Variants in OSBPL10 observed in about 807,000 individuals in gnomAD.
OSBPL10 encodes the protein oxysterol-binding protein-related protein 10.
OSBPL10 carries 49 observed loss-of-function variants against 81.7 expected under a neutral mutation model. That is an observed-to-expected ratio of 0.60 (90% CI 0.48 to 0.76). OSBPL10 has a LOEUF of 0.76. Among genes scored for constraint, OSBPL10 ranks in the 30% least tolerant of loss-of-function variants. The probability of loss-of-function intolerance (pLI) is 0.00; values close to 1 mark genes in which losing one functional copy is unlikely to be tolerated. For missense variants in OSBPL10, 923 were observed against 987.8 expected, an observed-to-expected ratio of 0.93 and a Z score of 0.88; for synonymous variants, 419 against 383.6, an observed-to-expected ratio of 1.09 and a Z score of -1.08.
At chr3:31,975,000 T>C (rs1301900255) in intron 1 of OSBPL10, among the ~76,000 whole-genome samples, 1 of 152,126 alleles carries the variant, frequency 6.6e-6, no homozygotes, top group Non-Finnish European at 1.5e-5. Context: ...GAGAAGATAA[T>C]GGAAATCACC....
chr3:31,669,196 G>A (rs984482699), intron 9 of OSBPL10, among the ~76,000 whole-genome samples: 4 of 151,942 alleles, frequency 2.6e-5, no homozygotes, highest in Admixed American at 1.3e-4. Context: ...CCTATAGCTC[G>A]GGTGATGGGT....
Position 31,883,536 on chromosome 3 carries a change from T to TG in OSBPL10, c.282-3707_282-3706insC, listed in dbSNP as rs1157321819. Among the ~76,000 whole-genome samples, 1,063 of 115,752 alleles carry TG rather than the reference T, an allele frequency of 9.2e-3. 4 individuals are homozygous for TG. Among genetic ancestry groups the TG allele is most frequent in the Non-Finnish European group, 0.014 (814 of 57,286 alleles). The allele number at this position is 115,752 out of a possible 152,430, so 75.9% of individuals were successfully genotyped here. On this transcript the variant is annotated intron_variant, in intron 1 of 11. Transcript: ENST00000396556. ...ATTACAGGCATGAGCCTGTTTTTTT[T>TG]TTGTTGTTTTTTTTTTTTGAGATGA...
chr3:31,958,504 G>A (rs972296416), intron 1 of OSBPL10, among the ~76,000 whole-genome samples: 2 of 152,156 alleles, frequency 1.3e-5, no homozygotes, highest in African/African-American at 4.8e-5. Flanking sequence ...AGGAGGACAA[G>A]ACTCAAAAGA....
At chr3:31,899,015 G>A (rs914014456) in intron 1 of OSBPL10, among the ~76,000 whole-genome samples, 2 of 114,898 alleles carry the variant, frequency 1.7e-5, no homozygotes, top group African/African-American at 6.9e-5. Flanking sequence ...AGGCTGCAGT[G>A]CAGTGGCATG....
chr3:31,793,862 GAAGA>G (rs960736791), intron 4 of OSBPL10, among the ~76,000 whole-genome samples: 5 of 152,276 alleles, frequency 3.3e-5, no homozygotes, highest in African/African-American at 1.2e-4. Flanking sequence ...AAAAATATTT[GAAGA>G]AAAACAGTAA....
At chr3:32,003,848 A>T (rs1255162851) in intron 2 of OSBPL10, among the ~76,000 whole-genome samples, 1 of 152,156 alleles carries the variant, frequency 6.6e-6, no homozygotes, top group Non-Finnish European at 1.5e-5. Flanking sequence ...TGGAAAAGGG[A>T]GAACAGTGGA....
intron 1 of OSBPL10, among the ~76,000 whole-genome samples, chr3:31,903,817 G>A (rs535548863): frequency 6.6e-6 from 1 of 152,274 alleles, no homozygotes; most frequent in South Asian, 2.1e-4. Context: ...TCAGAGCAAA[G>A]GGTCTCAACT....
intron 7 of OSBPL10, among the ~76,000 whole-genome samples, chr3:31,699,869 A>AT (rs534246716): frequency 7.5e-4 from 114 of 152,250 alleles, no homozygotes; most frequent in African/African-American, 2.6e-3. Context: ...GGTGAAGAAG[A>AT]TTTTCTCTCC....
intron 1 of OSBPL10, among the ~76,000 whole-genome samples, chr3:31,903,434 A>T (rs4955215): frequency 0.58 from 87,038 of 150,980 alleles, 25,148 homozygotes; most frequent in South Asian, 0.63. Context: ...GCCCAAGCAA[A>T]CCTTCCACCT....
At chr3:31,965,115 C>T (rs1028151364) in intron 1 of OSBPL10, among the ~76,000 whole-genome samples, 8 of 151,646 alleles carry the variant, frequency 5.3e-5, no homozygotes, top group Non-Finnish European at 7.4e-5. Context: ...GCCAGGCGGC[C>T]GGGGCGCACT....
intron 7 of OSBPL10, among the ~76,000 whole-genome samples, chr3:31,700,896 T>G (rs565951171): frequency 6.6e-6 from 1 of 152,140 alleles, no homozygotes; most frequent in Non-Finnish European, 1.5e-5. Flanking sequence ...CAAGTCGTCA[T>G]AGCTTGGTGT....
chr3:31,999,130 C>T (rs1017605521), intron 2 of OSBPL10, among the ~76,000 whole-genome samples: 12 of 152,120 alleles, frequency 7.9e-5, no homozygotes, highest in Non-Finnish European at 1.3e-4. Flanking sequence ...CAGCTGTCTC[C>T]CCTCTGCTGT....
At chr3:31,880,349 C>T (rs1406795979) in intron 1 of OSBPL10, among the ~76,000 whole-genome samples, 1 of 152,228 alleles carries the variant, frequency 6.6e-6, no homozygotes. Context: ...GCTTCTGCAA[C>T]CATCTGGACA....
rs1010320798 is a variant in OSBPL10 at position 31,662,183 on chromosome 3, T to G, written c.2251-67A>C. ...CAACAGGGAAAAGGGGAAGCAAGGATAACCGCAGCCACTCTGTGTGTCTGC... is the reference window on the plus strand; with the variant it reads ...CAACAGGGAAAAGGGGAAGCAAGGAGAACCGCAGCCACTCTGTGTGTCTGC... On this transcript the variant is annotated intron_variant, in intron 11 of 11. Coordinates refer to ENST00000396556, the MANE Select transcript of OSBPL10 (RefSeq NM_017784.5). 6.8e-6 allele frequency: 11 copies of G among 1,609,586 alleles called. No homozygotes were observed. The Admixed American group carries it at 1.8e-4, about 27-fold the overall frequency.
chr3:31,828,734 T>A (rs898853042), intron 4 of OSBPL10, among the ~76,000 whole-genome samples: 5 of 152,168 alleles, frequency 3.3e-5, no homozygotes. Flanking sequence ...AGTTTCACCA[T>A]GTTGGCCAGG....
In OSBPL10 at chr3:31,872,607, G is replaced by A. The variant is rs376279259; in HGVS notation, c.537+3826C>T. Reference sequence around the variant, plus strand: ...AACTACTGATACACACAACAGCATGGATGAAATTCAAAAGCTTTTTTTTTT... The same window carrying A: ...AACTACTGATACACACAACAGCATGAATGAAATTCAAAAGCTTTTTTTTTT... On this transcript the variant is annotated intron_variant, in intron 3 of 11. Coordinates refer to ENST00000396556, the MANE Select transcript of OSBPL10 (RefSeq NM_017784.5). 5.4e-5 allele frequency among the ~76,000 whole-genome samples: 8 copies of A among 149,260 alleles called. No homozygotes were observed. In the South Asian group the frequency reaches 1.5e-3, roughly 27 times the overall value.
intron 4 of OSBPL10, among the ~76,000 whole-genome samples, chr3:31,762,471 T>C (rs1278275010): frequency 6.6e-6 from 1 of 151,608 alleles, no homozygotes; most frequent in African/African-American, 2.4e-5. Context: ...GGCTGGTTAC[T>C]GTTTTTTTTG....
chr3:31,756,715 C>G (rs1327146381), intron 4 of OSBPL10, among the ~76,000 whole-genome samples: 1 of 152,164 alleles, frequency 6.6e-6, no homozygotes, highest in African/African-American at 2.4e-5. Context: ...TTGGGGGTAG[C>G]TAAAGCTGTT....
chr3:32,039,362 A>T (rs1408957649), intron 2 of OSBPL10, among the ~76,000 whole-genome samples: 13 of 19,296 alleles, frequency 6.7e-4, no homozygotes, highest in South Asian at 6.8e-3. Flanking sequence ...TAGTTAATTA[A>T]AAAAAAAAAG....
Sources: gnomAD v4.1 joint callset for allele counts (sites outside exome capture counted in the v4.1 genomes callset) on GRCh38, gnomAD v4.1.1 for gene constraint, MANE v1.5 for transcripts, NCBI Gene and HGNC (gene_info 2026-07-23, HGNC 2026-07-21) for gene names.